HRC: variants seen among roughly 807,000 people sequenced by gnomAD.
HRC encodes sarcoplasmic reticulum histidine-rich calcium-binding protein.
HRC carries 41 observed loss-of-function variants against 61.4 expected under a neutral mutation model. The ratio of observed to expected loss-of-function variants is 0.67; its 90% CI spans 0.52 to 0.87. HRC has a LOEUF of 0.87. HRC is among the 40% of genes least tolerant of loss of function. The probability of loss-of-function intolerance (pLI) is 0.00; values close to 1 mark genes in which losing one functional copy is unlikely to be tolerated. For missense variants in HRC, 839 were observed against 885.8 expected (o/e 0.95, Z 0.67); for synonymous variants, 308 against 326.6 (o/e 0.94, Z 0.62).
rs768568528 is a variant in HRC, at chr19:49,153,883, T to C, written c.1355A>G (p.His452Arg). The C allele has an allele frequency of 1.2e-6, 2 of 1,614,036 alleles. No homozygotes were observed. Among genetic ancestry groups the C allele is most frequent in the East Asian group, 2.2e-5 (1 of 44,894 alleles). ...RQSHQDEETG[H>R]GQRGSIKEMS... ...CTCTTTGATGGACCCTCTTTGACCATGGCCAGTTTCTTCATCTTGGTGGCT... is the reference window on the plus strand; with the variant it reads ...CTCTTTGATGGACCCTCTTTGACCACGGCCAGTTTCTTCATCTTGGTGGCT... The change falls in exon 1 of 6, where the codon CAT (histidine) becomes CGT (arginine). Residue 452 changes from histidine (H) to arginine (R), a missense_variant. Coordinates refer to ENST00000252825, the MANE Select transcript of HRC (RefSeq NM_002152.3). The surrounding 1 kb of genome is among the most constrained non-coding windows in gnomAD (Gnocchi z 4.8).
At position 49,154,327 on chromosome 19, in the gene HRC, T is replaced by A. The variant is rs904171151; in HGVS notation, c.911A>T (p.Asp304Val). Residue 304 changes from aspartate to valine, a missense_variant, in exon 1 of 6, where the codon GAC becomes GTC. Coordinates refer to ENST00000252825, the MANE Select transcript of HRC (RefSeq NM_002152.3). ...AGTGGAGACATCATCATCATCATTGTCATCTTCTTCATGGCTTCGGTGCCT... is the reference window on the plus strand; with the variant it reads ...AGTGGAGACATCATCATCATCATTGACATCTTCTTCATGGCTTCGGTGCCT... The part of the protein sequence containing the change: ...SHRHRSHEED[D>V]NDDDDVSTEY... 1 of 1,613,072 alleles carries A rather than the reference T, an allele frequency of 6.2e-7. No individual in the cohort carries two copies. Among genetic ancestry groups the A allele is most frequent in the African/African-American group, 1.3e-5 (1 of 74,674 alleles).
chr19:49,152,340 C>T lies in HRC; in HGVS notation c.1941G>A (p.Glu647=). ...TECESCHCDE[E]NMGEHCDQCQ... is the part of the protein sequence containing the mutation. ...ACTGGTCGCAGTGCTCACCCATGTTCTCCTCATCACAGTGACAGCTCTCAC... is the reference window on the plus strand; with the variant it reads ...ACTGGTCGCAGTGCTCACCCATGTTTTCCTCATCACAGTGACAGCTCTCAC... The change falls in exon 3 of 6, where the codon GAG becomes GAA. Residue 647 remains glutamate (E), a synonymous_variant. Transcript: ENST00000252825. 1 of 1,613,708 alleles carries T rather than the reference C, an allele frequency of 6.2e-7. No individual in the cohort carries two copies. Among genetic ancestry groups the T allele is most frequent in the Non-Finnish European group, 8.5e-7 (1 of 1,179,908 alleles).
rs200146692 is a variant in HRC at position 49,155,100 on chromosome 19, G to A, written c.138C>T (p.Val46=). The change falls in exon 1 of 6, where the codon GTC becomes GTT. Residue 46 remains valine (V), a synonymous_variant. Coordinates refer to ENST00000252825, the MANE Select transcript of HRC (RefSeq NM_002152.3). This position sits in a 1 kb window ranked among gnomAD's most constrained non-coding sequence, Gnocchi z 4.7. The part of the protein sequence containing the change: ...GFRNRNNSTG[V]AGLSEEASAE... ...CTGATGCCTCCTCGGAGAGCCCGGC[G>A]ACTCCAGTGCTGTTGTTCCGGTTTC... 2.7e-5 allele frequency: 44 copies of A among 1,614,154 alleles called. No individual in the cohort carries two copies. The highest frequency in any genetic ancestry group is 1.6e-4 in the African/African-American group (12 of 75,054).
chr19:49,154,397 C>CGTT lies in HRC; in HGVS notation c.840_841insAAC (p.Glu280_Asp281insAsn), dbSNP rs1165258594. On this transcript the variant is annotated inframe_insertion, in exon 1 of 6. Transcript: ENST00000252825. The stretch of plus-strand genomic sequence containing the variant: ...TGGTGTCCATCTGAGACATCTTCAT[C>CGTT]CTCTTCAATCCCGTGGCCTTGGTGC... 6.2e-7 allele frequency: 1 copy of CGTT among 1,613,226 alleles called. No homozygotes were observed. The highest frequency in any genetic ancestry group is 8.5e-7 in the Non-Finnish European group (1 of 1,179,968).
chr19:49,153,800 C>G lies in HRC; in HGVS notation c.1438G>C (p.Asp480His), dbSNP rs1475327319. Residue 480 changes from aspartate (D) to histidine (H), a missense_variant, in exon 1 of 6, where the codon GAT (aspartate) becomes CAT (histidine). Physicochemically the swap from Asp to His is moderately conservative, Grantham distance 81. Coordinates refer to ENST00000252825, the MANE Select transcript of HRC (RefSeq NM_002152.3). This position sits in a 1 kb window ranked among gnomAD's most constrained non-coding sequence, Gnocchi z 4.8. ...VVKDRSHLRK[D>H]DSEEEKEKEE... ...TTCTCCTTTTCCTCCTCAGAATCAT[C>G]CTTCCTCAAATGGCTTCTATCCTTG... 1 of 1,613,974 alleles carries G rather than the reference C, an allele frequency of 6.2e-7. No homozygotes were observed. The highest frequency in any genetic ancestry group is 8.5e-7 in the Non-Finnish European group (1 of 1,180,024).
At chr19:49,151,865 C>T in intron 4 of HRC, 139 bp downstream of exon 4, 1 of 816,558 alleles carries the variant, frequency 1.2e-6, no homozygotes, top group Non-Finnish European at 2.0e-6. Flanking sequence ...CCCCGGCCCA[C>T]GTGCTCAGAG....
In HRC at chr19:49,155,139, A is replaced by C; in HGVS notation, c.99T>G (p.Asp33Glu). The C allele has an allele frequency of 6.2e-7, 1 of 1,613,940 alleles. No individual in the cohort carries two copies. Among genetic ancestry groups the C allele is most frequent in the Non-Finnish European group, 8.5e-7 (1 of 1,180,006 alleles). Residue 33 changes from aspartate to glutamate, a missense_variant, in exon 1 of 6, where the codon GAT becomes GAG. Physicochemically the swap from Asp to Glu is conservative, Grantham distance 45. Coordinates refer to ENST00000252825, the MANE Select transcript of HRC (RefSeq NM_002152.3). This position sits in a 1 kb window ranked among gnomAD's most constrained non-coding sequence, Gnocchi z 4.7. ...PPAMTQQLRG[D>E]GLGFRNRNNS... Reference sequence around the variant, plus strand: ...TGTTCCGGTTTCTGAAGCCTAGCCCATCCCCTCTGAGCTGCTGGGTCATGG... The same window carrying C: ...TGTTCCGGTTTCTGAAGCCTAGCCCCTCCCCTCTGAGCTGCTGGGTCATGG...
Position 49,155,002 on chromosome 19 carries a change from C to A in HRC, c.236G>T (p.Gly79Val). 6.2e-7 allele frequency: 1 copy of A among 1,614,208 alleles called. No homozygotes were observed. Among genetic ancestry groups the A allele is most frequent in the Non-Finnish European group, 8.5e-7 (1 of 1,180,038 alleles). Residue 79 changes from glycine (G) to valine (V), a missense_variant, in exon 1 of 6, where the codon GGG becomes GTG. Gly to Val is a moderately radical substitution (Grantham distance 109, BLOSUM62 -3). Coordinates refer to ENST00000252825, the MANE Select transcript of HRC (RefSeq NM_002152.3). The surrounding 1 kb of genome is among the most constrained non-coding windows in gnomAD (Gnocchi z 4.7). ...GTCTGGGTGGCTCCAGAAATGATGC[C>A]CATTCTCTGTGGAAACATCCTTGTT... ...DENKDVSTEN[G>V]HHFWSHPDRE...
chr19:49,152,417 C>T lies in HRC; in HGVS notation c.1903-39G>A, dbSNP rs369805206. On this transcript the variant is annotated intron_variant, in intron 2 of 5. Coordinates refer to ENST00000252825, the MANE Select transcript of HRC (RefSeq NM_002152.3). ...GAGCCTGGTTAGATGGAAACTCTAA[C>T]GCCACTTGGGAGGTACCCGCCCCTG... The T allele has an allele frequency of 1.8e-5, 28 of 1,588,310 alleles. No individual in the cohort carries two copies. The African/African-American group carries it at 3.5e-4, about 20-fold the overall frequency.
Position 49,153,411 on chromosome 19 carries a change from G to A in HRC, c.1827C>T (p.Asp609=), listed in dbSNP as rs377024240. The A allele has an allele frequency of 2.5e-6, 4 of 1,612,868 alleles. No homozygotes were observed. Among genetic ancestry groups the A allele is most frequent in the Non-Finnish European group, 3.4e-6 (4 of 1,179,176 alleles). ...ACACCAGCCCAGGCCACTTACCTGT[G>A]TCCTCACCGCTTTCCTCCTCGCTGG... is the stretch of plus-strand genomic sequence containing the variant. ...GASSEEESGE[D]TGPQDAQEYG... Residue 609 remains aspartate, a synonymous_variant, in exon 1 of 6, where the codon GAC becomes GAT. Transcript: ENST00000252825. This position sits in a 1 kb window ranked among gnomAD's most constrained non-coding sequence, Gnocchi z 4.8.
rs760296759 is a variant in HRC at position 49,151,529 on chromosome 19, G to A, written c.2051C>T (p.Ser684Leu). The A allele has an allele frequency of 5.6e-6, 9 of 1,613,980 alleles. No individual in the cohort carries two copies. Among genetic ancestry groups the A allele is most frequent in the Admixed American group, 5.0e-5 (3 of 60,024 alleles). Residue 684 changes from serine (S) to leucine (L), a missense_variant, in exon 5 of 6, where the codon TCG becomes TTG. Physicochemically the swap from Ser to Leu is moderately radical, Grantham distance 145. Coordinates refer to ENST00000252825, the MANE Select transcript of HRC (RefSeq NM_002152.3). Reference protein sequence around the residue: ...APGSYVDYFSSSLYQALADML... With the variant: ...APGSYVDYFSLSLYQALADML... ...TTTACACACTTACTGATAAAGGGAC[G>A]AGGAGAAATAGTCAACGTAGCTTCC...
intron 3 of HRC, 71 bp downstream of exon 3, chr19:49,152,239 C>G: frequency 7.0e-7 from 1 of 1,432,782 alleles, no homozygotes. Flanking sequence ...GGATTTAGGG[C>G]TGGGGGTCCT....
rs759558791 is a variant in HRC at position 49,152,075 on chromosome 19, G to GGA, written c.1972-19_1972-18dup. The stretch of plus-strand genomic sequence containing the variant: ...CTGACAGTGCTGGAGGCGGGGACGG[G>GGA]GAGAGAGAGTGAGCGTGGGGCGTGG... On this transcript the variant is annotated splice_polypyrimidine_tract_variant and intron_variant, in intron 3 of 5. Transcript: ENST00000252825. 1 of 1,613,258 alleles carries GGA rather than the reference G, an allele frequency of 6.2e-7. No homozygotes were observed. Among genetic ancestry groups the GGA allele is most frequent in the Non-Finnish European group, 8.5e-7 (1 of 1,179,306 alleles).
rs1310390449 is a variant in HRC at position 49,154,329 on chromosome 19, A to ATCTTCTTCT, written c.908_909insAGAAGAAGA (p.Glu302_Asp303insGluGluGlu). The ATCTTCTTCT allele has an allele frequency of 6.3e-7, 1 of 1,597,680 alleles. No homozygotes were observed. The highest frequency in any genetic ancestry group is 1.4e-5 in the African/African-American group (1 of 69,540). On this transcript the variant is annotated inframe_insertion, in exon 1 of 6. Coordinates refer to ENST00000252825, the MANE Select transcript of HRC (RefSeq NM_002152.3). ...TGGAGACATCATCATCATCATTGTC[A>ATCTTCTTCT]TCTTCTTCATGGCTTCGGTGCCTGT...
Position 49,151,695 on chromosome 19 carries a change from C to G in HRC, c.2027-142G>C, listed in dbSNP as rs960970620. On this transcript the variant is annotated intron_variant, in intron 4 of 5. Coordinates refer to ENST00000252825, the MANE Select transcript of HRC (RefSeq NM_002152.3). ...TTCCAACTGAATCCCTTCTACCGGA[C>G]CCCTTTTTCGTTCTGGGTGATTCCG... 4.8e-5 allele frequency: 37 copies of G among 776,370 alleles called. No homozygotes were observed. The African/African-American group carries it at 5.4e-4, about 11-fold the overall frequency. 48.1% of individuals were successfully genotyped at this position (776,370 alleles called of 1,614,324 possible).
At chr19:49,152,137 C>T (rs2041366805) in intron 3 of HRC, 79 bp from the exon 4 acceptor site, 5 of 1,376,282 alleles carry the variant, frequency 3.6e-6, no homozygotes, top group Non-Finnish European at 4.1e-6. Context: ...GGACCAGACC[C>T]GGACCAGAGG....
Position 49,154,302 on chromosome 19 carries a change from A to T in HRC, c.936T>A (p.Thr312=). ...GCCTGTGGGCCTGGTGTCCATACTCAGTGGAGACATCATCATCATCATTGT... is the reference window on the plus strand; with the variant it reads ...GCCTGTGGGCCTGGTGTCCATACTCTGTGGAGACATCATCATCATCATTGT... ...EDDNDDDDVS[T]EYGHQAHRHQ... Residue 312 remains threonine, a synonymous_variant, in exon 1 of 6, where the codon ACT becomes ACA. Coordinates refer to ENST00000252825, the MANE Select transcript of HRC (RefSeq NM_002152.3). The T allele has an allele frequency of 6.2e-7, 1 of 1,612,464 alleles. No individual in the cohort carries two copies. The highest frequency in any genetic ancestry group is 8.5e-7 in the Non-Finnish European group (1 of 1,179,584).
chr19:49,152,313 G>C lies in HRC; in HGVS notation c.1968C>G (p.Cys656Trp). ...EENMGEHCDQ[C>W]QHCQFCYLCP... Reference sequence around the variant, plus strand: ...TGAGTGTGAGGTGAGGTCTCACCTGGCACTGGTCGCAGTGCTCACCCATGT... The same window carrying C: ...TGAGTGTGAGGTGAGGTCTCACCTGCCACTGGTCGCAGTGCTCACCCATGT... Residue 656 changes from cysteine to tryptophan, a missense_variant, in exon 3 of 6, where the codon TGC becomes TGG. Physicochemically the swap from Cys to Trp is radical, Grantham distance 215. Coordinates refer to ENST00000252825, the MANE Select transcript of HRC (RefSeq NM_002152.3). The C allele has an allele frequency of 6.2e-7, 1 of 1,612,218 alleles. No individual in the cohort carries two copies. The highest frequency in any genetic ancestry group is 8.5e-7 in the Non-Finnish European group (1 of 1,178,678).
chr19:49,153,514 T>C lies in HRC; in HGVS notation c.1724A>G (p.Glu575Gly), dbSNP rs769559718. Reference protein sequence around the residue: ...DHSEEEEEEEEGLEEDEPRFT... With the variant: ...DHSEEEEEEEGGLEEDEPRFT... ...GCGGGGCTCATCTTCCTCCAGCCCC[T>C]CCTCCTCCTCCTCTTCCTCCTCGCT... The change falls in exon 1 of 6, where the codon GAG becomes GGG. Residue 575 changes from glutamate to glycine, a missense_variant. Glu to Gly is a moderately conservative substitution (Grantham distance 98). Coordinates refer to ENST00000252825, the MANE Select transcript of HRC (RefSeq NM_002152.3). The surrounding 1 kb of genome is among the most constrained non-coding windows in gnomAD (Gnocchi z 4.8). 3.4e-5 allele frequency: 51 copies of C among 1,510,848 alleles called. No homozygotes were observed. In the South Asian group the frequency reaches 5.9e-4, roughly 17 times the overall value. 93.6% of individuals were successfully genotyped at this position (1,510,848 alleles called of 1,614,324 possible).
Sources: allele counts gnomAD v4.1 joint callset, GRCh38; gene constraint gnomAD v4.1.1; non-coding constraint Gnocchi (gnomAD v3.1); transcripts MANE v1.5; gene names NCBI Gene and HGNC (gene_info 2026-07-23, HGNC 2026-07-21).